The following NAA35 variants were observed in gnomAD, a reference collection of about 807,000 sequenced individuals.
NAA35 encodes MAK10 homolog, amino-acid N-acetyltransferase subunit.
A neutral mutation model predicts 101.7 loss-of-function variants in NAA35; 18 were observed. That is an observed-to-expected ratio of 0.18 (90% CI 0.12 to 0.26). NAA35 has a LOEUF of 0.26. Among genes scored for constraint, NAA35 ranks in the 10% least tolerant of loss-of-function variants. The pLI is 1.00. For synonymous variants in NAA35, 267 were observed against 273.1 expected (o/e 0.98, Z 0.22); for missense variants, 601 against 886.8 (o/e 0.68, Z 4.09).
intron 3 of NAA35, among the ~76,000 whole-genome samples, chr9:85,957,935 A>G (rs1299331723): frequency 6.7e-6 from 1 of 150,224 alleles, no homozygotes; most frequent in East Asian, 2.0e-4. Flanking sequence ...CAGACATCTT[A>G]TATATTTTCT....
chr9:85,951,800 C>T (rs892547159), intron 2 of NAA35, among the ~76,000 whole-genome samples: 2 of 152,172 alleles, frequency 1.3e-5, no homozygotes, highest in Admixed American at 6.5e-5. Flanking sequence ...GCTGGGATTA[C>T]AGGTGTGCAC....
chr9:86,011,889 TATATG>T (rs971235983), intron 15 of NAA35, among the ~76,000 whole-genome samples: 4 of 141,608 alleles, frequency 2.8e-5, no homozygotes, highest in Non-Finnish European at 4.5e-5. Flanking sequence ...AAATATATAT[TATATG>T]ATATATATTA....
Position 85,975,140 on chromosome 9 carries a change from A to T in NAA35, c.610A>T (p.Met204Leu). Reference protein sequence around the residue: ...TGMLKDVEDDMQRRVKSTRSR... With the variant: ...TGMLKDVEDDLQRRVKSTRSR... ...CATGCTAAAAGATGTGGAGGATGAC[A>T]TGCAAAGAAGAGTAAAGGTATATAT... Residue 204 changes from methionine (M) to leucine (L), a missense_variant, in exon 8 of 23, where the codon ATG (methionine) becomes TTG (leucine). This residue lies in a region of NAA35 where 86 missense variants were observed against 169.4 expected (regional missense o/e 0.51). Transcript: ENST00000361671. 6.2e-7 allele frequency: 1 copy of T among 1,613,676 alleles called. No homozygotes were observed. Among genetic ancestry groups the T allele is most frequent in the Non-Finnish European group, 8.5e-7 (1 of 1,179,794 alleles).
At position 85,963,056 on chromosome 9, in the gene NAA35, G is replaced by A. The variant is rs547239112; in HGVS notation, c.516+876G>A. 2.8e-4 allele frequency among the ~76,000 whole-genome samples: 43 copies of A among 152,190 alleles called. No homozygotes were observed. The South Asian group carries it at 7.5e-3, about 26-fold the overall frequency. On this transcript the variant is annotated intron_variant, in intron 6 of 22. Transcript: ENST00000361671. ...AAGAATTGTAAGGGAAAATGTGATA[G>A]CATTTGAAATTATTGATAACTATTT... is the stretch of plus-strand genomic sequence containing the variant.
In NAA35 at chr9:86,018,324, C is replaced by T; in HGVS notation, c.1843C>T (p.Arg615Trp). 2 of 1,613,982 alleles carry T rather than the reference C, an allele frequency of 1.2e-6. No homozygotes were observed. The highest frequency in any genetic ancestry group is 1.7e-6 in the Non-Finnish European group (2 of 1,179,940). Residue 615 changes from arginine to tryptophan, a missense_variant, in exon 20 of 23, where the codon CGG becomes TGG. Physicochemically the swap from Arg to Trp is moderately radical, Grantham distance 101. This residue lies in a region of NAA35 where 90 missense variants were observed against 108.7 expected (regional missense o/e 0.83). Coordinates refer to ENST00000361671, the MANE Select transcript of NAA35 (RefSeq NM_024635.4). ...PKFELDSEQV[R>W]YEHRFAPFNS... is the part of the protein sequence containing the mutation. ...GTTTGAGCTTGATAGTGAACAAGTT[C>T]GGTATGAACACAGGTTTGCTCCATT... is the stretch of plus-strand genomic sequence containing the variant.
chr9:85,980,210 C>T (rs1830379502), intron 11 of NAA35, among the ~76,000 whole-genome samples: 1 of 152,174 alleles, frequency 6.6e-6, no homozygotes, highest in South Asian at 2.1e-4. Context: ...CTAGGAACCT[C>T]CACATGTTCA....
chr9:85,960,358 C>G (rs941594731), intron 5 of NAA35, among the ~76,000 whole-genome samples: 15 of 152,240 alleles, frequency 9.9e-5, no homozygotes, highest in Admixed American at 1.3e-4. Flanking sequence ...CTCATTTCTA[C>G]TGCTTCCCCC....
intron 11 of NAA35, among the ~76,000 whole-genome samples, chr9:85,984,376 A>G (rs954798733): frequency 1.6e-4 from 24 of 152,272 alleles, no homozygotes; most frequent in African/African-American, 5.3e-4. Flanking sequence ...AATTTCCTGG[A>G]GACAGATGAT....
intron 1 of NAA35, 135 bp from the exon 2 acceptor site, chr9:85,942,020 C>A: frequency 7.3e-7 from 1 of 1,377,678 alleles, no homozygotes; most frequent in Non-Finnish European, 9.7e-7. Flanking sequence ...GCAGTACTGT[C>A]CTTAGACTCA....
intron 2 of NAA35, among the ~76,000 whole-genome samples, chr9:85,949,653 ACTTTT>A (rs746635947): frequency 2.0e-5 from 3 of 151,506 alleles, no homozygotes; most frequent in Non-Finnish European, 2.9e-5. Flanking sequence ...CTTTCATTGC[ACTTTT>A]CTTTTCTCCT....
Position 86,018,358 on chromosome 9 carries a change from T to C in NAA35, c.1877T>C (p.Val626Ala). ...CACAGGTTTGCTCCATTCAACAGTG[T>C]GATGACCCCGCCGCCAGTGCACTAC... is the stretch of plus-strand genomic sequence containing the variant. ...YEHRFAPFNS[V>A]MTPPPVHYLQ... Residue 626 changes from valine to alanine, a missense_variant, in exon 20 of 23, where the codon GTG becomes GCG. Coordinates refer to ENST00000361671, the MANE Select transcript of NAA35 (RefSeq NM_024635.4). 2 of 1,613,824 alleles carry C rather than the reference T, an allele frequency of 1.2e-6. No individual in the cohort carries two copies. The highest frequency in any genetic ancestry group is 1.7e-6 in the Non-Finnish European group (2 of 1,179,750).
chr9:85,998,736 G>A (rs1831285708), intron 12 of NAA35, among the ~76,000 whole-genome samples: 1 of 152,160 alleles, frequency 6.6e-6, no homozygotes, highest in African/African-American at 2.4e-5. Flanking sequence ...TAGAAAATGT[G>A]CAAGACAGTA....
chr9:86,018,924 A>G, intron 21 of NAA35, 103 bp downstream of exon 21: 1 of 1,413,182 alleles, frequency 7.1e-7, no homozygotes, highest in Admixed American at 2.1e-5. Context: ...TAATAGTGTT[A>G]GTGAATAGAA....
In NAA35 at chr9:86,016,545, C is replaced by T. The variant is rs1832237446; in HGVS notation, c.1575C>T (p.Leu525=). Residue 525 remains leucine (L), a synonymous_variant, in exon 18 of 23, where the codon CTC becomes CTT. Coordinates refer to ENST00000361671, the MANE Select transcript of NAA35 (RefSeq NM_024635.4). The part of the protein sequence containing the change: ...MHEYYYIYWY[L]SEFLYAWLMS... ...ACATTTTGTATCCTTTAAGGTATCT[C>T]TCTGAATTCCTTTACGCATGGTTGA... 1.9e-6 allele frequency: 3 copies of T among 1,613,066 alleles called. No homozygotes were observed. The highest frequency in any genetic ancestry group is 1.7e-6 in the Non-Finnish European group (2 of 1,179,580).
At chr9:85,958,035 G>A (rs143114590) in intron 3 of NAA35, among the ~76,000 whole-genome samples, 260 of 151,668 alleles carry the variant, frequency 1.7e-3, no homozygotes, top group African/African-American at 5.9e-3. Context: ...TCCGCCTCCC[G>A]GGTTCAAGCG....
chr9:86,012,866 A>T, intron 15 of NAA35, among the ~76,000 whole-genome samples, 180 bp from the exon 16 acceptor site: 1 of 152,224 alleles, frequency 6.6e-6, no homozygotes, highest in Non-Finnish European at 1.5e-5. Context: ...GTTATTGATA[A>T]ATTCTGGTGT....
chr9:85,978,205 A>C, intron 10 of NAA35, 62 bp from the exon 11 acceptor site: 1 of 998,214 alleles, frequency 1.0e-6, no homozygotes, highest in Non-Finnish European at 1.6e-6. Flanking sequence ...GGATTTTCCT[A>C]TTTAATGTAT....
intron 18 of NAA35, 82 bp downstream of exon 18, chr9:86,016,757 T>G: frequency 7.1e-7 from 1 of 1,414,368 alleles, no homozygotes; most frequent in Non-Finnish European, 9.6e-7. Context: ...ACTCGTGAGT[T>G]GGTCATTATA....
Position 85,962,767 on chromosome 9 carries a change from G to A in NAA35, c.516+587G>A, listed in dbSNP as rs541209855. On this transcript the variant is annotated intron_variant, in intron 6 of 22. Transcript: ENST00000361671. ...CAGAGTGCTGTTTTTGGATGTTGTGGGGATTCCCAGAGAAAAATGAAAGAG... is the reference window on the plus strand; with the variant it reads ...CAGAGTGCTGTTTTTGGATGTTGTGAGGATTCCCAGAGAAAAATGAAAGAG... Among the ~76,000 whole-genome samples the A allele has an allele frequency of 3.3e-5, 5 of 152,178 alleles. No individual in the cohort carries two copies. In the East Asian group the frequency reaches 9.6e-4, roughly 29 times the overall value.
Sources: allele counts gnomAD v4.1 joint callset (sites outside exome capture counted in the v4.1 genomes callset), GRCh38; gene constraint gnomAD v4.1.1; regional missense constraint gnomAD v4.1.1; transcripts MANE v1.5; gene names NCBI Gene and HGNC (gene_info 2026-07-23, HGNC 2026-07-21).